SS18: variants seen among roughly 807,000 people sequenced by gnomAD.
SS18 encodes protein SSXT.
A neutral mutation model predicts 72.5 loss-of-function variants in SS18; 28 were observed. The observed-to-expected ratio is 0.39, with a 90% CI of 0.29 to 0.53. The LOEUF is 0.53. Ranked by LOEUF, SS18 falls within the 20% of genes least tolerant of loss-of-function variation. The pLI is 0.76. For missense variants in SS18, 518 were observed against 535.3 expected (o/e 0.97, Z 0.32); for synonymous variants, 172 against 164.2 (o/e 1.05, Z -0.37).
chr18:26,090,180 TC>T (rs1425676124), intron 1 of SS18: 19 of 405,786 alleles, frequency 4.7e-5, no homozygotes, highest in Non-Finnish European at 8.4e-5. Context: ...CACACGCCCT[TC>T]CCTGAGCGGC....
intron 3 of SS18, among the ~76,000 whole-genome samples, chr18:26,062,129 G>A (rs1407459682): frequency 6.6e-6 from 1 of 151,914 alleles, no homozygotes; most frequent in Non-Finnish European, 1.5e-5. Context: ...GCATGGTGGC[G>A]GGCACCTGTA....
chr18:26,047,533 A>C (rs1457596659), intron 5 of SS18, among the ~76,000 whole-genome samples: 1 of 152,192 alleles, frequency 6.6e-6, no homozygotes, highest in African/African-American at 2.4e-5. Context: ...ACTAAAACAA[A>C]CTATTTTAAA....
intron 2 of SS18, among the ~76,000 whole-genome samples, chr18:26,086,288 G>A (rs2054614267): frequency 6.6e-6 from 1 of 152,136 alleles, no homozygotes; most frequent in Non-Finnish European, 1.5e-5. Context: ...TGGCTACCAA[G>A]GGTCAACTGT....
At chr18:26,026,562 A>G (rs2053450120) in intron 10 of SS18, among the ~76,000 whole-genome samples, 1 of 152,188 alleles carries the variant, frequency 6.6e-6, no homozygotes, top group South Asian at 2.1e-4. Context: ...CTTTCTCTCT[A>G]AGATCAGGAA....
intron 10 of SS18, among the ~76,000 whole-genome samples, chr18:26,021,856 C>T (rs1230958386): frequency 6.6e-6 from 1 of 152,110 alleles, no homozygotes; most frequent in African/African-American, 2.4e-5. Flanking sequence ...TTTGTTTCTG[C>T]TGAATTAATA....
intron 3 of SS18, among the ~76,000 whole-genome samples, chr18:26,063,550 G>C (rs2054162509): frequency 6.6e-6 from 1 of 151,818 alleles, no homozygotes; most frequent in Non-Finnish European, 1.5e-5. Flanking sequence ...TAAGAAATCA[G>C]TAACAAAATT....
chr18:26,090,785 C>T (rs1048683498), upstream of SS18: 4 of 592,384 alleles, frequency 6.8e-6, no homozygotes, highest in African/African-American at 5.7e-5. Context: ...TAGCCCTGGC[C>T]GAACTTTCTT....
intron 5 of SS18, among the ~76,000 whole-genome samples, 166 bp from the exon 6 acceptor site, chr18:26,039,622 C>G (rs2053689774): frequency 6.6e-6 from 1 of 152,038 alleles, no homozygotes; most frequent in Non-Finnish European, 1.5e-5. Flanking sequence ...AATTCACATG[C>G]CTAAAATAAT....
chr18:26,052,918 AT>A (rs35102280), intron 4 of SS18, 73 bp from the exon 5 acceptor site: 28,594 of 1,182,994 alleles, frequency 0.024, 334 homozygotes, highest in African/African-American at 0.059. Flanking sequence ...CCTGGAAATA[AT>A]TTTTTTTTTG....
intron 5 of SS18, among the ~76,000 whole-genome samples, chr18:26,050,485 T>G (rs1374881857): frequency 1.3e-5 from 2 of 152,052 alleles, no homozygotes; most frequent in Non-Finnish European, 2.9e-5. Context: ...TCCTCTAGCA[T>G]CTAGTAAAAA....
chr18:26,044,328 AT>A (rs56030633), intron 5 of SS18, among the ~76,000 whole-genome samples: 130 of 140,350 alleles, frequency 9.3e-4, no homozygotes, highest in Non-Finnish European at 9.8e-4. Context: ...ATTTTTTTAG[AT>A]TTTTTTTTTT....
At chr18:26,065,231 A>G (rs2054191686) in intron 3 of SS18, among the ~76,000 whole-genome samples, 1 of 152,176 alleles carries the variant, frequency 6.6e-6, no homozygotes, top group Admixed American at 6.5e-5. Context: ...AGCCAATTCT[A>G]AACTTTGCAT....
intron 5 of SS18, among the ~76,000 whole-genome samples, chr18:26,048,393 A>C (rs1474630277): frequency 6.6e-6 from 1 of 152,222 alleles, no homozygotes; most frequent in Non-Finnish European, 1.5e-5. Flanking sequence ...CATCCATACA[A>C]AGAATGTTGC....
At chr18:26,072,352 G>GT (rs1344040206) in intron 3 of SS18, among the ~76,000 whole-genome samples, 2 of 129,464 alleles carry the variant, frequency 1.5e-5, no homozygotes, top group Non-Finnish European at 3.0e-5. Context: ...GCTAGACTGA[G>GT]TTAAAAAAAA....
chr18:26,068,427 T>G (rs1040922499), intron 3 of SS18: 1 of 152,212 alleles, frequency 6.6e-6, no homozygotes, highest in Non-Finnish European at 1.5e-5. Flanking sequence ...TTGTAGTCCT[T>G]GGTGTTCTAA....
intron 3 of SS18, among the ~76,000 whole-genome samples, chr18:26,071,216 G>A (rs2054304782): frequency 6.6e-6 from 1 of 152,108 alleles, no homozygotes; most frequent in Non-Finnish European, 1.5e-5. Flanking sequence ...TGAAAGACAT[G>A]AACCTACAGA....
chr18:26,023,524 C>A, intron 10 of SS18: 2 of 439,126 alleles, frequency 4.6e-6, no homozygotes, highest in African/African-American at 4.1e-5. Flanking sequence ...TACAAAAGAA[C>A]AAAGATAAAT....
At position 26,039,497 on chromosome 18, in the gene SS18, A is replaced by G. The variant is rs914338180; in HGVS notation, c.608-41T>C. Reference sequence around the variant, plus strand: ...ACATTATACACATAATTTTTTGTATATAACTTTAACATCTCAAGAGAAATA... The same window carrying G: ...ACATTATACACATAATTTTTTGTATGTAACTTTAACATCTCAAGAGAAATA... On this transcript the variant is annotated intron_variant, in intron 5 of 10. Transcript: ENST00000415083. The G allele has an allele frequency of 3.3e-6, 5 of 1,529,294 alleles. No individual in the cohort carries two copies. In the African/African-American group the frequency reaches 5.4e-5, roughly 17 times the overall value. 94.7% of individuals were successfully genotyped at this position (1,529,294 alleles called of 1,614,324 possible).
In SS18 at chr18:26,035,809, G is replaced by A; in HGVS notation, c.973+22C>T. On this transcript the variant is annotated intron_variant, in intron 8 of 10. Transcript: ENST00000415083. The surrounding 1 kb of genome is among the most constrained non-coding windows in gnomAD (Gnocchi z 4.4). ...TGTAGAAGGGGATATATATGTGTAT[G>A]TGTGTGAAGGTATATAGATACCTCC... The A allele has an allele frequency of 6.7e-7, 1 of 1,491,908 alleles. No individual in the cohort carries two copies. Among genetic ancestry groups the A allele is most frequent in the African/African-American group, 1.4e-5 (1 of 72,754 alleles). 92.4% of individuals were successfully genotyped at this position (1,491,908 alleles called of 1,614,324 possible).
Sources: gnomAD v4.1 joint callset for allele counts (sites outside exome capture counted in the v4.1 genomes callset) on GRCh38, gnomAD v4.1.1 for gene constraint, Gnocchi (gnomAD v3.1) non-coding constraint, MANE v1.5 for transcripts, NCBI Gene and HGNC (gene_info 2026-07-23, HGNC 2026-07-21) for gene names.